Variants in EIF2AK4 observed in about 807,000 individuals in gnomAD.
EIF2AK4 encodes eIF-2-alpha kinase GCN2.
In EIF2AK4, 139 loss-of-function variants were observed where a neutral mutation model predicts 211.1. The ratio of observed to expected loss-of-function variants is 0.66; its 90% CI spans 0.57 to 0.76. The LOEUF is 0.76. Among genes scored for constraint, EIF2AK4 ranks in the 30% least tolerant of loss-of-function variants. EIF2AK4 has a pLI of 0.00. For synonymous variants in EIF2AK4, 710 were observed against 751.3 expected (o/e 0.94, Z 0.90); for missense variants, 1,664 against 2,043.8 (o/e 0.81, Z 3.58).
chr15:40,001,327 T>G (rs1013111310), intron 21 of EIF2AK4, 103 bp downstream of exon 21: 1 of 1,169,392 alleles, frequency 8.6e-7, no homozygotes, highest in Non-Finnish European at 1.2e-6. Context: ...TAAGTTCTTA[T>G]GTGAGGTATT....
chr15:40,010,453 A>G (rs2035219802), intron 26 of EIF2AK4, among the ~76,000 whole-genome samples: 1 of 152,182 alleles, frequency 6.6e-6, no homozygotes, highest in Non-Finnish European at 1.5e-5. Context: ...TCATTACTTT[A>G]TAGTATATGT....
chr15:39,998,261 TTTTTTTTTGTTTTG>T (rs1249632199), intron 19 of EIF2AK4, among the ~76,000 whole-genome samples: 1 of 121,960 alleles, frequency 8.2e-6, no homozygotes, highest in Non-Finnish European at 2.0e-5. Flanking sequence ...GGTGTGGTTT[TTTTTTTTTGTTTTG>T]TTTTTTTTTG....
chr15:39,962,489 C>T (rs1250194503), intron 7 of EIF2AK4, among the ~76,000 whole-genome samples: 4 of 152,110 alleles, frequency 2.6e-5, no homozygotes. Flanking sequence ...CAGGGTGTTG[C>T]TCCATCACTA....
chr15:39,974,270 T>G (rs1283311488), intron 11 of EIF2AK4: 1 of 152,308 alleles, frequency 6.6e-6, no homozygotes, highest in Non-Finnish European at 1.5e-5. Flanking sequence ...CGTTCTAGTC[T>G]ATTTGGGTGA....
chr15:39,986,918 G>A (rs1393979406), intron 14 of EIF2AK4, among the ~76,000 whole-genome samples: 1 of 152,132 alleles, frequency 6.6e-6, no homozygotes, highest in Admixed American at 6.6e-5. Flanking sequence ...CAAGGGAACA[G>A]GACTGTGGGT....
At chr15:40,031,500 T>G (rs2035542463) in intron 35 of EIF2AK4, among the ~76,000 whole-genome samples, 1 of 151,952 alleles carries the variant, frequency 6.6e-6, no homozygotes, top group African/African-American at 2.4e-5. Context: ...CACCATGTCC[T>G]CATTGCTGCC....
At chr15:40,001,276 A>G (rs1412440547) in intron 21 of EIF2AK4, 52 bp downstream of exon 21, 2 of 1,568,566 alleles carry the variant, frequency 1.3e-6, no homozygotes, top group Non-Finnish European at 8.7e-7. Context: ...CCACAAAAGG[A>G]TCAAGCCAGT....
intron 32 of EIF2AK4, 118 bp from the exon 33 acceptor site, chr15:40,025,859 A>T: frequency 1.1e-6 from 1 of 941,486 alleles, no homozygotes. Context: ...AGCAAAATTG[A>T]CCCTGGTTAA....
At chr15:40,018,736 C>G (rs754640910) in intron 29 of EIF2AK4, among the ~76,000 whole-genome samples, 76 of 152,156 alleles carry the variant, frequency 5.0e-4, no homozygotes, top group Non-Finnish European at 7.9e-4. Context: ...TGTACTCAAA[C>G]TTCTAAAAAT....
intron 10 of EIF2AK4, 76 bp downstream of exon 10, chr15:39,973,090 C>A: frequency 8.7e-7 from 1 of 1,152,866 alleles, no homozygotes; most frequent in Non-Finnish European, 1.3e-6. Context: ...AAACCAAAAA[C>A]TGGAAGGGGC....
rs566316164 is a variant in EIF2AK4, at chr15:40,000,097, A to T, written c.2923-891A>T. Among the ~76,000 whole-genome samples, 8 of 152,332 alleles carry T rather than the reference A, an allele frequency of 5.3e-5. No individual in the cohort carries two copies. In the South Asian group the frequency reaches 1.7e-3, roughly 32 times the overall value. On this transcript the variant is annotated intron_variant, in intron 20 of 38. Coordinates refer to ENST00000263791, the MANE Select transcript of EIF2AK4 (RefSeq NM_001013703.4). ...AATGAGCATAGCATAATTTTTTGCC[A>T]TGCACATTTACCAGTACAGCAGGGT...
intron 13 of EIF2AK4, among the ~76,000 whole-genome samples, chr15:39,981,608 CT>C (rs58381652): frequency 0.16 from 24,173 of 146,572 alleles, 2,197 homozygotes; most frequent in South Asian, 0.37. Context: ...CAGAGCAGAG[CT>C]TTTTTTTTTT....
rs1001888740 is a variant in EIF2AK4, at chr15:40,034,758, CCAAT to C, written c.4893-254_4893-251del. ...TGCTGTATGTCCTTATGTCATAATG[CCAAT>C]CAATCAATCAATCATTCATGTTATC... On this transcript the variant is annotated intron_variant, in intron 38 of 38. Coordinates refer to ENST00000263791, the MANE Select transcript of EIF2AK4 (RefSeq NM_001013703.4). Among the ~76,000 whole-genome samples the C allele has an allele frequency of 7.9e-5, 12 of 152,188 alleles. No individual in the cohort carries two copies. In the South Asian group the frequency reaches 1.2e-3, roughly 16 times the overall value.
intron 14 of EIF2AK4, among the ~76,000 whole-genome samples, chr15:39,987,352 A>G (rs1169225964): frequency 1.3e-5 from 2 of 152,238 alleles, no homozygotes; most frequent in African/African-American, 2.4e-5. Context: ...TTTAAAAACA[A>G]TAAAACCTTT....
chr15:39,946,740 T>C, intron 3 of EIF2AK4: 1 of 684,188 alleles, frequency 1.5e-6, no homozygotes, highest in African/African-American at 1.8e-5. Context: ...TTTTAAGAAA[T>C]TGCCGCAACC....
Position 39,965,733 on chromosome 15 carries a change from GC to G in EIF2AK4, c.909del (p.Thr304LeufsTer48). ...ATTAGTCTACAATGCTTTGGAAACA[GC>G]CACTGGTGGCTTTGTCTTGTTGTAT... ...GKLVYNALET[A>X]TGGFVLLYEW... On this transcript the variant is annotated frameshift_variant, in exon 8 of 39. Transcript: ENST00000263791. LOFTEE classifies it high-confidence loss of function. The G allele has an allele frequency of 6.2e-7, 1 of 1,614,096 alleles. No homozygotes were observed. Among genetic ancestry groups the G allele is most frequent in the Non-Finnish European group, 8.5e-7 (1 of 1,179,980 alleles).
chr15:39,960,048 C>G (rs2034447215), intron 6 of EIF2AK4, among the ~76,000 whole-genome samples: 1 of 151,600 alleles, frequency 6.6e-6, no homozygotes, highest in Non-Finnish European at 1.5e-5. Context: ...CCTATAGTCC[C>G]AGCTACTCAG....
intron 26 of EIF2AK4, among the ~76,000 whole-genome samples, chr15:40,010,847 A>ACTCT (rs2035226001): frequency 6.6e-6 from 1 of 152,084 alleles, no homozygotes; most frequent in Non-Finnish European, 1.5e-5. Context: ...ACTGGCAGAA[A>ACTCT]CCCCAGGGAT....
chr15:39,968,728 T>G (rs543098694), intron 9 of EIF2AK4, among the ~76,000 whole-genome samples: 2 of 152,316 alleles, frequency 1.3e-5, no homozygotes, highest in South Asian at 4.1e-4. Flanking sequence ...TCTTTTACCC[T>G]TCACATTTCT....
Sources: allele counts gnomAD v4.1 joint callset (sites outside exome capture counted in the v4.1 genomes callset), GRCh38; gene constraint gnomAD v4.1.1; transcripts MANE v1.5; gene names NCBI Gene and HGNC (gene_info 2026-07-23, HGNC 2026-07-21).